The following ABCA5 variants were observed in gnomAD, a reference collection of about 807,000 sequenced individuals.
The protein encoded by ABCA5 is cholesterol transporter ABCA5.
A neutral mutation model predicts 206.0 loss-of-function variants in ABCA5; 163 were observed. The ratio of observed to expected loss-of-function variants is 0.79; its 90% CI spans 0.70 to 0.90. The LOEUF is 0.90. Among genes scored for constraint, ABCA5 ranks in the 40% least tolerant of loss-of-function variants. The pLI, the probability that ABCA5 is intolerant of heterozygous loss-of-function variation, is 0.00. For missense variants in ABCA5, 1,859 were observed against 1,912.9 expected (o/e 0.97, Z 0.53); for synonymous variants, 609 against 613.8 (o/e 0.99, Z 0.11).
chr17:69,315,660 G>A (rs1189339582), intron 1 of ABCA5, among the ~76,000 whole-genome samples: 1 of 151,948 alleles, frequency 6.6e-6, no homozygotes, highest in Admixed American at 6.6e-5. Context: ...GCACACACCT[G>A]TAATCCCAGC....
At position 69,274,079 on chromosome 17, in the gene ABCA5, C is replaced by A; in HGVS notation, c.2644G>T (p.Val882Phe). 1 of 1,595,270 alleles carries A rather than the reference C, an allele frequency of 6.3e-7. No individual in the cohort carries two copies. Among genetic ancestry groups the A allele is most frequent in the Non-Finnish European group, 8.5e-7 (1 of 1,174,224 alleles). Residue 882 changes from valine (V) to phenylalanine (F), a missense_variant, in exon 20 of 39, where the codon GTT (valine) becomes TTT (phenylalanine). Physicochemically the swap from Val to Phe is conservative, Grantham distance 50 (BLOSUM62 -1). Coordinates refer to ENST00000392676, the MANE Select transcript of ABCA5 (RefSeq NM_172232.4). Reference protein sequence around the residue: ...FFTVQIFMFLVHHSFKNAVVP... With the variant: ...FFTVQIFMFLFHHSFKNAVVP... ...ACAGCATTTTTAAAAGAGTGATGAA[C>A]CAAAAACATAAAAATCTGAACTGTG...
rs2075796656 is a variant in ABCA5 at position 69,314,356 on chromosome 17, C to A, written c.60G>T (p.Lys20Asn). 1.2e-6 allele frequency: 2 copies of A among 1,613,764 alleles called. No individual in the cohort carries two copies. Among genetic ancestry groups the A allele is most frequent in the South Asian group, 1.1e-5 (1 of 91,050 alleles). Residue 20 changes from lysine to asparagine, a missense_variant, in exon 2 of 39, where the codon AAG becomes AAT. Coordinates refer to ENST00000392676, the MANE Select transcript of ABCA5 (RefSeq NM_172232.4). ...TGGTTCTGCATTTAATTAAGTAATT[C>A]TTCAGTAGAAGTGTTCTGGTCTGTC... is the stretch of plus-strand genomic sequence containing the variant. Reference protein sequence around the residue: ...VWRQTRTLLLKNYLIKCRTKK... With the variant: ...VWRQTRTLLLNNYLIKCRTKK...
intron 9 of ABCA5, among the ~76,000 whole-genome samples, chr17:69,299,587 A>G (rs1226235928): frequency 6.6e-6 from 1 of 152,046 alleles, no homozygotes; most frequent in Non-Finnish European, 1.5e-5. Flanking sequence ...TTCTAAGTAA[A>G]GTAACTCAGG....
chr17:69,286,477 G>C (rs865847136), intron 15 of ABCA5, among the ~76,000 whole-genome samples, 166 bp from the exon 16 acceptor site: 1 of 152,068 alleles, frequency 6.6e-6, no homozygotes, highest in African/African-American at 2.4e-5. Context: ...CTATTTTTCA[G>C]ATATGAATAC....
intron 32 of ABCA5, 37 bp from the exon 33 acceptor site, chr17:69,253,906 T>C (rs2075045780): frequency 3.3e-6 from 5 of 1,521,654 alleles, no homozygotes; most frequent in Non-Finnish European, 4.5e-6. Context: ...AATACCATGA[T>C]ATATATAAAC....
At chr17:69,309,231 T>C in intron 4 of ABCA5, 31 bp downstream of exon 4, 1 of 1,485,650 alleles carries the variant, frequency 6.7e-7, no homozygotes, top group Non-Finnish European at 9.0e-7. Context: ...TGCATTTAAT[T>C]GATCTTCAAT....
Position 69,248,255 on chromosome 17 carries a change from A to C in ABCA5, c.4821+7T>G. ...AAATAATTTTTAAAAATTTAACTTTATAGTACCTGTTCCAATGTTGCTTGA... is the reference window on the plus strand; with the variant it reads ...AAATAATTTTTAAAAATTTAACTTTCTAGTACCTGTTCCAATGTTGCTTGA... On this transcript the variant is annotated splice_region_variant and intron_variant, in intron 38 of 38. Transcript: ENST00000392676. 2 of 1,511,840 alleles carry C rather than the reference A, an allele frequency of 1.3e-6. No individual in the cohort carries two copies. The highest frequency in any genetic ancestry group is 1.8e-6 in the Non-Finnish European group (2 of 1,105,060). 93.7% of individuals were successfully genotyped at this position (1,511,840 alleles called of 1,614,324 possible). A position where few individuals can be genotyped will look rare whatever the true frequency, so the allele number is the denominator to read the frequency against.
intron 20 of ABCA5, among the ~76,000 whole-genome samples, chr17:69,271,595 TAC>T (rs2075274762): frequency 1.3e-5 from 2 of 152,150 alleles, no homozygotes; most frequent in Admixed American, 6.5e-5. Flanking sequence ...ACTGAATATA[TAC>T]ACAGAGTTTA....
At chr17:69,272,226 G>A (rs1255257531) in intron 20 of ABCA5, among the ~76,000 whole-genome samples, 4 of 151,986 alleles carry the variant, frequency 2.6e-5, no homozygotes, top group Non-Finnish European at 5.9e-5. Context: ...TGTACCCTGA[G>A]AAGAGAGACA....
In ABCA5 at chr17:69,274,040, G is replaced by C. The variant is rs2075303955; in HGVS notation, c.2683C>G (p.Leu895Val). Residue 895 changes from leucine (L) to valine (V), a missense_variant, in exon 20 of 39, where the codon CTT (leucine) becomes GTT (valine). Physicochemically the swap from Leu to Val is conservative, Grantham distance 32 (BLOSUM62 1). Coordinates refer to ENST00000392676, the MANE Select transcript of ABCA5 (RefSeq NM_172232.4). Reference protein sequence around the residue: ...SFKNAVVPIKLVPDLYFLKPG... With the variant: ...SFKNAVVPIKVVPDLYFLKPG... Reference sequence around the variant, plus strand: ...TTTAGAAAATATAAGTCTGGAACAAGTTTGATGGGAACCACAGCATTTTTA... The same window carrying C: ...TTTAGAAAATATAAGTCTGGAACAACTTTGATGGGAACCACAGCATTTTTA... The C allele has an allele frequency of 1.2e-6, 2 of 1,610,654 alleles. No homozygotes were observed. Among genetic ancestry groups the C allele is most frequent in the East Asian group, 2.2e-5 (1 of 44,740 alleles).
intron 34 of ABCA5, 99 bp from the exon 35 acceptor site, chr17:69,251,965 AAAACTT>A: frequency 3.1e-6 from 4 of 1,304,914 alleles, no homozygotes; most frequent in Non-Finnish European, 4.2e-6. Flanking sequence ...TAAGTTAATT[AAAACTT>A]ACCAAATATC....
chr17:69,259,690 T>G lies in ABCA5; in HGVS notation c.3731+16A>C. The stretch of plus-strand genomic sequence containing the variant: ...ATATACTAAAAACATTTAAAATTTT[T>G]AAAAAATCAACTGACCTGAAAAAGG... On this transcript the variant is annotated intron_variant, in intron 28 of 38. Coordinates refer to ENST00000392676, the MANE Select transcript of ABCA5 (RefSeq NM_172232.4). 6.5e-7 allele frequency: 1 copy of G among 1,537,536 alleles called. No homozygotes were observed. Among genetic ancestry groups the G allele is most frequent in the Non-Finnish European group, 8.9e-7 (1 of 1,117,846 alleles).
At chr17:69,318,906 G>A (rs778641723) in intron 1 of ABCA5, 16 of 687,442 alleles carry the variant, frequency 2.3e-5, no homozygotes, top group Non-Finnish European at 4.3e-5. Context: ...AACAATATTG[G>A]AATGGTGGTA....
intron 15 of ABCA5, among the ~76,000 whole-genome samples, chr17:69,287,401 G>A (rs2075469404): frequency 6.6e-6 from 1 of 152,108 alleles, no homozygotes; most frequent in Non-Finnish European, 1.5e-5. Flanking sequence ...TGAGTCATAT[G>A]AGTTCTTCTA....
At chr17:69,320,062 G>T (rs2079864441) in intron 1 of ABCA5, among the ~76,000 whole-genome samples, 1 of 152,058 alleles carries the variant, frequency 6.6e-6, no homozygotes, top group African/African-American at 2.4e-5. Flanking sequence ...ATGACTAAAA[G>T]AATTAATACA....
At chr17:69,271,401 C>T (rs1425157616) in intron 20 of ABCA5, 112 bp from the exon 21 acceptor site, 17 of 1,179,232 alleles carry the variant, frequency 1.4e-5, no homozygotes, top group South Asian at 7.1e-5. Context: ...TTAGCGAATA[C>T]GCAAGTAAGT....
chr17:69,322,294 C>A (rs953772101), intron 1 of ABCA5, among the ~76,000 whole-genome samples: 2 of 134,470 alleles, frequency 1.5e-5, no homozygotes, highest in Non-Finnish European at 3.1e-5. Context: ...CACTCGAACC[C>A]GGGAGGTGAA....
Position 69,271,233 on chromosome 17 carries a change from T to C in ABCA5, c.2821A>G (p.Met941Val). 6.2e-7 allele frequency: 1 copy of C among 1,613,588 alleles called. No individual in the cohort carries two copies. The highest frequency in any genetic ancestry group is 8.5e-7 in the Non-Finnish European group (1 of 1,179,670). ...FFTSQNIMVT[M>V]INDSDYVSVA... ...GATACATAGTCACTGTCATTAATCA[T>C]CGTCACCATTATGTTCTGGCTTGTG... Residue 941 changes from methionine (M) to valine (V), a missense_variant, in exon 21 of 39, where the codon ATG becomes GTG. Physicochemically the swap from Met to Val is conservative, Grantham distance 21 (BLOSUM62 1). Transcript: ENST00000392676.
intron 17 of ABCA5, among the ~76,000 whole-genome samples, chr17:69,285,624 C>T (rs1181308133): frequency 2.0e-5 from 3 of 151,612 alleles, no homozygotes; most frequent in Admixed American, 6.6e-5. Flanking sequence ...TTCTTGACAA[C>T]AAAGTAAACA....
Sources: allele counts gnomAD v4.1 joint callset (sites outside exome capture counted in the v4.1 genomes callset), GRCh38; gene constraint gnomAD v4.1.1; transcripts MANE v1.5; gene names NCBI Gene and HGNC (gene_info 2026-07-23, HGNC 2026-07-21).